CDKAL1: variants seen among roughly 807,000 people sequenced by gnomAD.
The protein encoded by CDKAL1 is CDKAL1 threonylcarbamoyladenosine tRNA methylthiotransferase, also known as threonylcarbamoyladenosine tRNA methylthiotransferase.
A neutral mutation model predicts 68.2 loss-of-function variants in CDKAL1; 32 were observed. The ratio of observed to expected loss-of-function variants is 0.47; its 90% CI spans 0.35 to 0.63. The LOEUF (loss-of-function observed/expected upper bound fraction) is 0.63. Among genes scored for constraint, CDKAL1 ranks in the 30% least tolerant of loss-of-function variants. The probability of loss-of-function intolerance (pLI) is 0.00; values close to 1 mark genes in which losing one functional copy is unlikely to be tolerated. For missense variants in CDKAL1, 606 were observed against 696.7 expected, an observed-to-expected ratio of 0.87 and a Z score of 1.47; for synonymous variants, 234 against 244.3, an observed-to-expected ratio of 0.96 and a Z score of 0.39.
intron 10 of CDKAL1, among the ~76,000 whole-genome samples, chr6:20,976,506 T>A (rs2150764691): frequency 6.6e-6 from 1 of 152,268 alleles, no homozygotes; most frequent in Non-Finnish European, 1.5e-5. Flanking sequence ...CCCCAATTTT[T>A]AAAAAACTTT....
rs70990099 is a variant in CDKAL1 at position 21,091,857 on chromosome 6, C to CTTTTTTT, written c.1237-16503_1237-16497dup. On this transcript the variant is annotated intron_variant, in intron 12 of 15. Transcript: ENST00000274695. ...AATGCAGCAACAGGCTCAGAACTTT[C>CTTTTTTT]TTTTTTTTTTTTTTTTTTTTTTTTT... Among the ~76,000 whole-genome samples, 65 of 70,578 alleles carry CTTTTTTT rather than the reference C, an allele frequency of 9.2e-4. 18 individuals are homozygous for CTTTTTTT. Among genetic ancestry groups the CTTTTTTT allele is most frequent in the Non-Finnish European group, 1.5e-3 (57 of 38,610 alleles). The allele number at this position is 70,578 out of a possible 152,430, so 46.3% of individuals were successfully genotyped here.
intron 9 of CDKAL1, among the ~76,000 whole-genome samples, chr6:20,848,033 AT>A (rs1778439690): frequency 1.3e-5 from 2 of 152,176 alleles, no homozygotes; most frequent in African/African-American, 2.4e-5. Context: ...GGTCAGTCTG[AT>A]TGGTTGTAGA....
intron 12 of CDKAL1, among the ~76,000 whole-genome samples, chr6:21,077,736 T>A (rs1019154500): frequency 1.3e-5 from 2 of 152,222 alleles, no homozygotes; most frequent in Non-Finnish European, 2.9e-5. Context: ...ACCAGGTCCC[T>A]TCTTCAACAC....
At chr6:21,191,936 C>T (rs1394216878) in intron 13 of CDKAL1, among the ~76,000 whole-genome samples, 4 of 145,472 alleles carry the variant, frequency 2.7e-5, no homozygotes, top group African/African-American at 5.1e-5. Flanking sequence ...ACTTTAGTGA[C>T]CGAGTCAGAG....
chr6:20,648,692 G>C (rs1315662036), intron 4 of CDKAL1, among the ~76,000 whole-genome samples: 1 of 152,152 alleles, frequency 6.6e-6, no homozygotes, highest in Non-Finnish European at 1.5e-5. Flanking sequence ...ACTGAAGTAT[G>C]CAAGAGGCAG....
chr6:21,149,726 C>T (rs1317055803), intron 13 of CDKAL1, among the ~76,000 whole-genome samples: 5 of 152,156 alleles, frequency 3.3e-5, no homozygotes, highest in African/African-American at 9.7e-5. Flanking sequence ...AAAGAAGCCA[C>T]ACATAGATGC....
intron 13 of CDKAL1, among the ~76,000 whole-genome samples, chr6:21,151,854 G>T (rs1161134910): frequency 6.6e-6 from 1 of 152,120 alleles, no homozygotes; most frequent in East Asian, 1.9e-4. Flanking sequence ...GAAAAATGCA[G>T]TTCGTATCTA....
At chr6:20,626,896 C>A (rs76779596) in intron 4 of CDKAL1, among the ~76,000 whole-genome samples, 20,059 of 152,098 alleles carry the variant, frequency 0.13, 1,695 homozygotes, top group South Asian at 0.24. Flanking sequence ...AGTCTTATGG[C>A]CAGACTGTTT....
intron 13 of CDKAL1, among the ~76,000 whole-genome samples, chr6:21,115,015 G>T (rs1394133449): frequency 6.6e-6 from 1 of 152,040 alleles, no homozygotes; most frequent in Non-Finnish European, 1.5e-5. Flanking sequence ...TTGGGCAGAG[G>T]CATACAGCAA....
chr6:20,616,262 G>A (rs148105915), intron 4 of CDKAL1, among the ~76,000 whole-genome samples: 42,409 of 151,524 alleles, frequency 0.28, 6,486 homozygotes, highest in East Asian at 0.53. Flanking sequence ...TTGGCGATGC[G>A]GGCTCTTTTT....
At chr6:21,106,812 T>C (rs143941503) in intron 12 of CDKAL1, among the ~76,000 whole-genome samples, 86 of 152,326 alleles carry the variant, frequency 5.6e-4, no homozygotes, top group East Asian at 1.5e-3. Context: ...GTACATAGAA[T>C]GACCTCTTTT....
intron 10 of CDKAL1, among the ~76,000 whole-genome samples, chr6:20,981,744 G>A (rs1319971746): frequency 6.6e-6 from 1 of 152,204 alleles, no homozygotes; most frequent in Non-Finnish European, 1.5e-5. Flanking sequence ...AGGAGGCTGA[G>A]GCAGGAGAAT....
intron 13 of CDKAL1, among the ~76,000 whole-genome samples, chr6:21,141,019 C>T (rs946872902): frequency 6.6e-6 from 1 of 152,122 alleles, no homozygotes; most frequent in East Asian, 1.9e-4. Flanking sequence ...ACGGGAAAGA[C>T]CAGCACGGGA....
chr6:21,049,206 A>C (rs2150908189), intron 11 of CDKAL1, among the ~76,000 whole-genome samples: 1 of 152,314 alleles, frequency 6.6e-6, no homozygotes, highest in East Asian at 1.9e-4. Flanking sequence ...TGTGCAAAAT[A>C]ATTCCATCCA....
At chr6:20,971,810 T>A (rs544765570) in intron 10 of CDKAL1, among the ~76,000 whole-genome samples, 1 of 152,280 alleles carries the variant, frequency 6.6e-6, no homozygotes, top group African/African-American at 2.4e-5. Context: ...TTTTGAAGAG[T>A]TTAAGCTGAA....
At chr6:20,781,819 G>A (rs1775443789) in intron 8 of CDKAL1, among the ~76,000 whole-genome samples, 1 of 151,994 alleles carries the variant, frequency 6.6e-6, no homozygotes, top group South Asian at 2.1e-4. Context: ...TGTTTCATAT[G>A]CATTTATTGA....
chr6:20,700,161 C>A (rs73377334), intron 5 of CDKAL1, among the ~76,000 whole-genome samples: 1,728 of 151,108 alleles, frequency 0.011, 28 homozygotes, highest in African/African-American at 0.036. Context: ...TTTATTTTTT[C>A]CACCTTGCTT....
At chr6:21,221,652 TG>T (rs991000235) in intron 15 of CDKAL1, among the ~76,000 whole-genome samples, 59 of 152,190 alleles carry the variant, frequency 3.9e-4, no homozygotes, top group African/African-American at 1.3e-3. Context: ...TCAGGCATGG[TG>T]GGGGGAAAAA....
Position 20,956,831 on chromosome 6 carries a change from A to T in CDKAL1, c.909+1246A>T, listed in dbSNP as rs1322229647. On this transcript the variant is annotated intron_variant, in intron 10 of 15. Coordinates refer to ENST00000274695, the MANE Select transcript of CDKAL1 (RefSeq NM_017774.3). ...GAGGGAGTTTAGCAATTTTAATTTT[A>T]TTATTTACATTTTTCTAGCTAGCTC... Among the ~76,000 whole-genome samples, 4 of 152,040 alleles carry T rather than the reference A, an allele frequency of 2.6e-5. No individual in the cohort carries two copies. The East Asian group carries it at 5.8e-4, about 22-fold the overall frequency.
Sources: gnomAD v4.1 joint callset for allele counts (sites outside exome capture counted in the v4.1 genomes callset) on GRCh38, gnomAD v4.1.1 for gene constraint, MANE v1.5 for transcripts, NCBI Gene and HGNC (gene_info 2026-07-23, HGNC 2026-07-21) for gene names.